AUTS2: variants seen among roughly 807,000 people sequenced by gnomAD.
The protein encoded by AUTS2 is activator of transcription and developmental regulator AUTS2.
A neutral mutation model predicts 112.4 loss-of-function variants in AUTS2; 17 were observed. The ratio of observed to expected loss-of-function variants is 0.15; its 90% CI spans 0.10 to 0.23. AUTS2 has a LOEUF of 0.23. Ranked by LOEUF, AUTS2 falls within the 10% of genes least tolerant of loss-of-function variation. The pLI is 1.00. For missense variants in AUTS2, 1,510 were observed against 1,701.6 expected (o/e 0.89, Z 1.98); for synonymous variants, 751 against 702.7 (o/e 1.07, Z -1.09).
chr7:69,735,848 A>G (rs780842229), intron 1 of AUTS2, among the ~76,000 whole-genome samples: 26 of 152,226 alleles, frequency 1.7e-4, no homozygotes, highest in South Asian at 2.1e-4. Context: ...ATGTCTGTCA[A>G]TGAAAGCTGT....
intron 4 of AUTS2, among the ~76,000 whole-genome samples, chr7:70,369,995 A>C (rs1048828964): frequency 2.0e-5 from 3 of 152,180 alleles, no homozygotes; most frequent in African/African-American, 7.2e-5. Flanking sequence ...ATTAGATTCC[A>C]ACAATGCTAT....
chr7:70,684,433 G>A (rs1004971324), intron 5 of AUTS2, among the ~76,000 whole-genome samples: 3 of 152,158 alleles, frequency 2.0e-5, no homozygotes, highest in African/African-American at 7.2e-5. Context: ...AGTTTAGACA[G>A]CAGAATGATT....
chr7:70,441,636 C>T (rs1562959052), intron 5 of AUTS2, among the ~76,000 whole-genome samples: 1 of 152,192 alleles, frequency 6.6e-6, no homozygotes. Context: ...ATCCTCCTGC[C>T]TTGGCCTCCC....
intron 1 of AUTS2, among the ~76,000 whole-genome samples, chr7:69,608,679 T>TGATA: frequency 6.6e-6 from 1 of 152,326 alleles, no homozygotes; most frequent in Admixed American, 6.5e-5. Context: ...TCTAGCCACA[T>TGATA]GATAGAAATT....
chr7:70,675,733 C>T (rs1362126346), intron 5 of AUTS2, among the ~76,000 whole-genome samples: 3 of 152,228 alleles, frequency 2.0e-5, no homozygotes. Context: ...AAAAGCACCT[C>T]TGCAAGCCTT....
intron 2 of AUTS2, among the ~76,000 whole-genome samples, chr7:70,074,964 T>C (rs529399499): frequency 1.0e-3 from 155 of 152,342 alleles, no homozygotes; most frequent in African/African-American, 3.6e-3. Flanking sequence ...TCATGTACTT[T>C]AAGGTCATTA....
At chr7:70,011,903 G>A (rs1361185388) in intron 2 of AUTS2, among the ~76,000 whole-genome samples, 1 of 152,078 alleles carries the variant, frequency 6.6e-6, no homozygotes, top group African/African-American at 2.4e-5. Flanking sequence ...TCTTTTCACT[G>A]TCATGTGTCC....
intron 5 of AUTS2, among the ~76,000 whole-genome samples, chr7:70,450,837 A>C (rs1016261171): frequency 3.3e-5 from 5 of 152,086 alleles, no homozygotes; most frequent in African/African-American, 1.2e-4. Flanking sequence ...TGAAGTGATG[A>C]TTTTGTGACC....
At position 70,543,047 on chromosome 7, in the gene AUTS2, AC is replaced by A. The variant is rs1800616896; in HGVS notation, c.690+107267del. Reference sequence around the variant, plus strand: ...ACTCTCTAGCTAAAAAGGAACATGGACAAGTGACACCCAAAAGTCCCTAGGC... The same window carrying A: ...ACTCTCTAGCTAAAAAGGAACATGGAAAGTGACACCCAAAAGTCCCTAGGC... On this transcript the variant is annotated intron_variant, in intron 5 of 18. Transcript: ENST00000342771. Among the ~76,000 whole-genome samples the A allele has an allele frequency of 1.3e-5, 2 of 152,220 alleles. 1 individual carries two copies. Among genetic ancestry groups the A allele is most frequent in the Non-Finnish European group, 2.9e-5 (2 of 68,044 alleles).
At chr7:70,422,661 C>T (rs1262727429) in intron 4 of AUTS2, among the ~76,000 whole-genome samples, 1 of 152,032 alleles carries the variant, frequency 6.6e-6, no homozygotes, top group Non-Finnish European at 1.5e-5. Context: ...ACCTATAGTC[C>T]CACTTATGGG....
chr7:70,575,395 C>G (rs1227630005), intron 5 of AUTS2, among the ~76,000 whole-genome samples: 1 of 152,142 alleles, frequency 6.6e-6, no homozygotes, highest in Admixed American at 6.5e-5. Context: ...AAGCCCAGGC[C>G]TCTCCACCTT....
chr7:69,987,411 A>T (rs530993591), intron 2 of AUTS2, among the ~76,000 whole-genome samples: 2 of 152,354 alleles, frequency 1.3e-5, no homozygotes, highest in East Asian at 3.9e-4. Context: ...AATATTAAAT[A>T]ACCTCTTGAG....
chr7:70,424,608 A>G (rs1351297647), intron 4 of AUTS2, among the ~76,000 whole-genome samples: 1 of 152,018 alleles, frequency 6.6e-6, no homozygotes, highest in Middle Eastern at 3.4e-3. Flanking sequence ...TTTGTTTTGG[A>G]CAGGGTCTCT....
intron 1 of AUTS2, among the ~76,000 whole-genome samples, chr7:69,615,297 A>G (rs1172786620): frequency 2.0e-5 from 3 of 151,980 alleles, no homozygotes; most frequent in Admixed American, 2.0e-4. Flanking sequence ...ACAGGTGAAC[A>G]TTACTTTAGC....
chr7:70,014,498 A>T (rs192603095), intron 2 of AUTS2, among the ~76,000 whole-genome samples: 7 of 152,324 alleles, frequency 4.6e-5, no homozygotes, highest in Admixed American at 3.9e-4. Flanking sequence ...CTGCTCAATG[A>T]GTATTTATTA....
chr7:70,644,272 A>G (rs1480727792), intron 5 of AUTS2, among the ~76,000 whole-genome samples: 3 of 152,196 alleles, frequency 2.0e-5, no homozygotes, highest in South Asian at 2.1e-4. Context: ...GCATTTATAA[A>G]TGGTTGAAGG....
chr7:70,529,249 G>A (rs575550970), intron 5 of AUTS2, among the ~76,000 whole-genome samples: 164 of 152,302 alleles, frequency 1.1e-3, no homozygotes, highest in South Asian at 6.2e-3. Flanking sequence ...CAAAATCAAC[G>A]ATAGCAGTGT....
intron 5 of AUTS2, among the ~76,000 whole-genome samples, chr7:70,692,065 G>T (rs947541797): frequency 2.6e-5 from 4 of 151,878 alleles, no homozygotes; most frequent in South Asian, 4.2e-4. Context: ...ACGGGGTTTC[G>T]CCATGTTAGC....
At chr7:70,305,428 T>A (rs1179336607) in intron 4 of AUTS2, among the ~76,000 whole-genome samples, 1 of 152,234 alleles carries the variant, frequency 6.6e-6, no homozygotes, top group Non-Finnish European at 1.5e-5. Context: ...TATGATTTAT[T>A]ATAATGTAGA....
Sources: gnomAD v4.1 joint callset for allele counts (sites outside exome capture counted in the v4.1 genomes callset) on GRCh38, gnomAD v4.1.1 for gene constraint, MANE v1.5 for transcripts, NCBI Gene and HGNC (gene_info 2026-07-23, HGNC 2026-07-21) for gene names.